DRC2: variants seen among roughly 807,000 people sequenced by gnomAD.
DRC2 encodes the protein dynein regulatory complex subunit 2.
chr12:48,914,736 G>C, the DRC2 span, among the ~76,000 whole-genome samples: 9 of 152,264 alleles, frequency 5.9e-5, no homozygotes, highest in African/African-American at 2.2e-4. Flanking sequence ...AAACAAACTC[G>C]GGCTTAAGTT....
the DRC2 span, among the ~76,000 whole-genome samples, chr12:48,908,590 TTA>T: frequency 9.0e-5 from 11 of 121,950 alleles, no homozygotes; most frequent in Admixed American, 7.0e-4. Flanking sequence ...ATTATTATTA[TTA>T]TTATTATTAT....
chr12:48,914,852 T>A, the DRC2 span, among the ~76,000 whole-genome samples: 1 of 152,114 alleles, frequency 6.6e-6, no homozygotes, highest in East Asian at 1.9e-4. Flanking sequence ...TATTGTTTTA[T>A]TTTTTTATTT....
At chr12:48,909,778 CTTTTTT>C in the DRC2 span, among the ~76,000 whole-genome samples, 5 of 139,010 alleles carry the variant, frequency 3.6e-5, no homozygotes, top group African/African-American at 5.3e-5. Flanking sequence ...CGCCCAGCCT[CTTTTTT>C]TTTTTTTTTT....
At chr12:48,904,217 A>G in the DRC2 span, 1 of 1,393,054 alleles carries the variant, frequency 7.2e-7, no homozygotes, top group Non-Finnish European at 9.7e-7. Flanking sequence ...CGGTCCCACA[A>G]CCGCCCACAA....
the DRC2 span, among the ~76,000 whole-genome samples, chr12:48,917,818 C>G: frequency 6.6e-6 from 1 of 152,180 alleles, no homozygotes; most frequent in Non-Finnish European, 1.5e-5. Context: ...TTCCACTGTC[C>G]TCGAGGTTGC....
the DRC2 span, among the ~76,000 whole-genome samples, chr12:48,905,650 AG>A: frequency 6.6e-6 from 1 of 152,170 alleles, no homozygotes; most frequent in Admixed American, 6.5e-5. Flanking sequence ...TGCTCTTGGG[AG>A]GTTCTTGAGT....
At chr12:48,918,478 T>C in the DRC2 span, 1 of 1,613,372 alleles carries the variant, frequency 6.2e-7, no homozygotes, top group Non-Finnish European at 8.5e-7. Flanking sequence ...TACAGGTTAG[T>C]GTAGCCACCT....
At chr12:48,904,883 T>C in the DRC2 span, 1 of 1,360,410 alleles carries the variant, frequency 7.4e-7, no homozygotes, top group Non-Finnish European at 1.0e-6. Context: ...AAATTAAGAG[T>C]GATCTTGTTT....
At chr12:48,904,601 C>T in the DRC2 span, 14 of 1,301,960 alleles carry the variant, frequency 1.1e-5, no homozygotes, top group Non-Finnish European at 1.3e-5. Context: ...ACTTAGATTT[C>T]AGGCAACATT....
the DRC2 span, chr12:48,914,429 C>T: frequency 2.4e-4 from 386 of 1,612,684 alleles, 1 homozygote; most frequent in Non-Finnish European, 3.1e-4. Context: ...CTGTCCGAAG[C>T]CGAGGAGCAG....
At chr12:48,921,354 C>T in the DRC2 span, 2 of 1,614,176 alleles carry the variant, frequency 1.2e-6, no homozygotes, top group Non-Finnish European at 8.5e-7. Flanking sequence ...GCTCAACCCA[C>T]TCTTTATAGT....
chr12:48,913,695 C>T, the DRC2 span, among the ~76,000 whole-genome samples: 1 of 151,994 alleles, frequency 6.6e-6, no homozygotes, highest in Non-Finnish European at 1.5e-5. Context: ...TGGGGTTTCA[C>T]TATGTTGGCC....
the DRC2 span, among the ~76,000 whole-genome samples, chr12:48,910,595 A>G: frequency 1.3e-5 from 2 of 152,236 alleles, no homozygotes; most frequent in African/African-American, 4.8e-5. Context: ...TTCAAAAGAA[A>G]AAAAGGTTAT....
chr12:48,905,476 G>A, the DRC2 span, among the ~76,000 whole-genome samples: 1 of 152,174 alleles, frequency 6.6e-6, no homozygotes, highest in East Asian at 1.9e-4. Flanking sequence ...GTCAGTGAGA[G>A]AACCAGGACT....
At chr12:48,921,008 T>A in the DRC2 span, 3 of 1,613,840 alleles carry the variant, frequency 1.9e-6, no homozygotes, top group Non-Finnish European at 2.5e-6. Context: ...TTTTTATTCA[T>A]CAGTATTGAC....
the DRC2 span, among the ~76,000 whole-genome samples, chr12:48,916,676 A>G: frequency 7.4e-6 from 1 of 136,036 alleles, no homozygotes; most frequent in Non-Finnish European, 1.6e-5. Context: ...ACCCACTTTC[A>G]ACTATCAAAA....
the DRC2 span, among the ~76,000 whole-genome samples, chr12:48,913,640 C>T: frequency 3.8e-4 from 58 of 152,150 alleles, no homozygotes; most frequent in Admixed American, 2.0e-3. Flanking sequence ...ATTACAGGCA[C>T]CTGCCACCAT....
At chr12:48,918,967 G>A in the DRC2 span, 91 of 1,360,326 alleles carry the variant, frequency 6.7e-5, no homozygotes, top group African/African-American at 1.2e-3. Context: ...AAAGTGAAAG[G>A]GATTTGGAAA....
At chr12:48,909,570 C>T in the DRC2 span, among the ~76,000 whole-genome samples, 3 of 151,598 alleles carry the variant, frequency 2.0e-5, no homozygotes, top group South Asian at 2.1e-4. Context: ...CTTCGCCTCT[C>T]GGGTTCAAGT....
Sources: allele counts gnomAD v4.1 joint callset (sites outside exome capture counted in the v4.1 genomes callset), GRCh38; gene constraint gnomAD v4.1.1; transcripts MANE v1.5; gene names NCBI Gene and HGNC (gene_info 2026-07-23, HGNC 2026-07-21).